ARHGAP8: variants seen among roughly 807,000 people sequenced by gnomAD.
ARHGAP8 encodes rho GTPase-activating protein 8.
ARHGAP8 carries 62 observed loss-of-function variants against 46.1 expected under a neutral mutation model. That is an observed-to-expected ratio of 1.34 (90% CI 1.10 to 1.66). The LOEUF is 1.66. ARHGAP8 is among the 40% of genes most tolerant of loss of function. ARHGAP8 has a pLI of 0.00. For synonymous variants in ARHGAP8, 375 were observed against 243.1 expected, an observed-to-expected ratio of 1.54 and a Z score of -5.05; for missense variants, 923 against 568.4, an observed-to-expected ratio of 1.62 and a Z score of -6.34.
At chr22:44,774,926 G>A (rs1169790022) in intron 1 of ARHGAP8, among the ~76,000 whole-genome samples, 1 of 151,910 alleles carries the variant, frequency 6.6e-6, no homozygotes, top group African/African-American at 2.4e-5. Context: ...TGCTTCCTGG[G>A]TTCAAGTGAT....
intron 2 of ARHGAP8, among the ~76,000 whole-genome samples, chr22:44,801,633 C>T (rs548790935): frequency 3.7e-4 from 57 of 152,334 alleles, no homozygotes; most frequent in African/African-American, 1.3e-3. Context: ...CCTGTACCCC[C>T]GACATGAGGT....
At position 44,772,223 on chromosome 22, in the gene ARHGAP8, C is replaced by CT. The variant is rs71188484; in HGVS notation, c.-71-14204dup. Among the ~76,000 whole-genome samples, 26 of 16,428 alleles carry CT rather than the reference C, an allele frequency of 1.6e-3. 8 individuals carry two copies. The highest frequency in any genetic ancestry group is 3.4e-3 in the Non-Finnish European group (21 of 6,092). 10.8% of individuals were successfully genotyped at this position (16,428 alleles called of 152,430 possible). On this transcript the variant is annotated intron_variant, in intron 1 of 11. Coordinates refer to ENST00000356099, the MANE Select transcript of ARHGAP8 (RefSeq NM_181335.3). ...TGTTTCTGTTTTACTACTGTTTTGC[C>CT]TTTTTTTTTTTTTTTTTTTTTTTTT... is the stretch of plus-strand genomic sequence containing the variant.
At chr22:44,768,678 A>G (rs1404416025) in intron 1 of ARHGAP8, among the ~76,000 whole-genome samples, 1 of 152,012 alleles carries the variant, frequency 6.6e-6, no homozygotes, top group Non-Finnish European at 1.5e-5. Context: ...CGAAGGCTTA[A>G]TTAGATTCAG....
chr22:44,760,069 G>T (rs1925012479), intron 1 of ARHGAP8, among the ~76,000 whole-genome samples: 1 of 152,204 alleles, frequency 6.6e-6, no homozygotes, highest in Non-Finnish European at 1.5e-5. Context: ...GCAGGCCTCT[G>T]ACAAGGTCCT....
chr22:44,840,340 C>T (rs1273506107), intron 7 of ARHGAP8, among the ~76,000 whole-genome samples: 2 of 152,152 alleles, frequency 1.3e-5, no homozygotes, highest in African/African-American at 4.8e-5. Flanking sequence ...ATCTGTTTCT[C>T]TTCTAGTTTC....
intron 4 of ARHGAP8, 42 bp from the exon 5 acceptor site, chr22:44,814,630 G>A (rs371513726): frequency 8.8e-6 from 14 of 1,587,402 alleles, no homozygotes; most frequent in Middle Eastern, 1.7e-4. Context: ...GGTGTTTCTC[G>A]GAGCGCGGCA....
At chr22:44,787,596 C>T (rs141025694) in intron 2 of ARHGAP8, among the ~76,000 whole-genome samples, 14 of 152,266 alleles carry the variant, frequency 9.2e-5, no homozygotes, top group African/African-American at 2.4e-4. Flanking sequence ...CCACCTGTCT[C>T]GGTCTCCCAG....
chr22:44,847,942 T>G, intron 8 of ARHGAP8, 31 bp from the exon 9 acceptor site: 4 of 1,604,380 alleles, frequency 2.5e-6, no homozygotes, highest in Non-Finnish European at 3.4e-6. Flanking sequence ...GGCTGGGACC[T>G]GTGAGATGCC....
intron 2 of ARHGAP8, among the ~76,000 whole-genome samples, chr22:44,786,894 G>A (rs567451054): frequency 3.3e-5 from 5 of 152,198 alleles, no homozygotes; most frequent in African/African-American, 1.2e-4. Context: ...TTGCATGCCT[G>A]TATTCCCAGC....
At chr22:44,810,766 A>G (rs199992738) in intron 4 of ARHGAP8, among the ~76,000 whole-genome samples, 10 of 152,058 alleles carry the variant, frequency 6.6e-5, no homozygotes, top group African/African-American at 1.4e-4. Flanking sequence ...CTTTGGTGCA[A>G]TTGGTGGGGG....
At chr22:44,803,770 C>A (rs191731401) in intron 3 of ARHGAP8, among the ~76,000 whole-genome samples, 4 of 138,774 alleles carry the variant, frequency 2.9e-5, no homozygotes, top group Admixed American at 7.7e-5. Context: ...CCCTCCCATG[C>A]ACACACCCCC....
chr22:44,847,927 C>A (rs1422662433), intron 8 of ARHGAP8, 46 bp from the exon 9 acceptor site: 5 of 1,602,232 alleles, frequency 3.1e-6, no homozygotes, highest in Non-Finnish European at 4.2e-6. Context: ...CCTGGAAGCC[C>A]TTTGGGCTGG....
chr22:44,767,689 A>G (rs1323677152), intron 1 of ARHGAP8, among the ~76,000 whole-genome samples: 1 of 151,770 alleles, frequency 6.6e-6, no homozygotes, highest in Non-Finnish European at 1.5e-5. Context: ...CCTGGCCAAC[A>G]TCGTGAAACC....
chr22:44,800,562 C>T (rs1483868064), intron 2 of ARHGAP8, among the ~76,000 whole-genome samples: 2 of 137,826 alleles, frequency 1.5e-5, no homozygotes, highest in Admixed American at 7.1e-5. Context: ...GTGTGGGGGG[C>T]GCCCCTCCCC....
intron 9 of ARHGAP8, 89 bp downstream of exon 9, chr22:44,848,139 G>GC: frequency 6.5e-7 from 1 of 1,533,364 alleles, no homozygotes; most frequent in Non-Finnish European, 8.8e-7. Context: ...GGGAAGCACC[G>GC]CCCCCGCAAC....
chr22:44,763,846 C>T (rs1925341045), intron 1 of ARHGAP8, among the ~76,000 whole-genome samples: 1 of 139,318 alleles, frequency 7.2e-6, no homozygotes, highest in Admixed American at 7.6e-5. Flanking sequence ...AAAGTACAAA[C>T]TCAGGTATGG....
chr22:44,782,891 C>G (rs1926944792), intron 1 of ARHGAP8, among the ~76,000 whole-genome samples: 1 of 152,158 alleles, frequency 6.6e-6, no homozygotes, highest in South Asian at 2.1e-4. Context: ...GGGGAGCTGC[C>G]ACGCTGTTTT....
intron 10 of ARHGAP8, among the ~76,000 whole-genome samples, chr22:44,858,483 T>A (rs2070307689): frequency 6.9e-6 from 1 of 144,898 alleles, no homozygotes; most frequent in African/African-American, 2.7e-5. Flanking sequence ...TTCTCCAGCT[T>A]CAGCCTCCCA....
intron 10 of ARHGAP8, among the ~76,000 whole-genome samples, chr22:44,859,486 G>A (rs1046758867): frequency 3.3e-5 from 5 of 152,186 alleles, no homozygotes; most frequent in African/African-American, 7.2e-5. Flanking sequence ...TGTACAGCCT[G>A]TAGAACCATG....
Sources: allele counts gnomAD v4.1 joint callset (sites outside exome capture counted in the v4.1 genomes callset), GRCh38; gene constraint gnomAD v4.1.1; transcripts MANE v1.5; gene names NCBI Gene and HGNC (gene_info 2026-07-23, HGNC 2026-07-21).